The following PDE7B variants were observed in gnomAD, a reference collection of about 807,000 sequenced individuals.
The protein encoded by PDE7B is phosphodiesterase 7B.
A neutral mutation model predicts 56.2 loss-of-function variants in PDE7B; 29 were observed. The ratio of observed to expected loss-of-function variants is 0.52; its 90% CI spans 0.38 to 0.70. The LOEUF is 0.70. Among genes scored for constraint, PDE7B ranks in the 30% least tolerant of loss-of-function variants. The pLI is 0.00. For missense variants in PDE7B, 490 were observed against 565.0 expected (o/e 0.87, Z 1.35); for synonymous variants, 197 against 196.9 (o/e 1.00, Z 0.00).
intron 1 of PDE7B, among the ~76,000 whole-genome samples, chr6:135,880,781 C>G (rs1368290503): frequency 1.3e-5 from 2 of 152,056 alleles, no homozygotes; most frequent in Admixed American, 1.3e-4. Context: ...GAATAATTTC[C>G]ATTTGGGGCT....
At chr6:135,952,306 G>A (rs1335133348) in intron 2 of PDE7B, among the ~76,000 whole-genome samples, 4 of 152,186 alleles carry the variant, frequency 2.6e-5, no homozygotes, top group Middle Eastern at 3.4e-3. Context: ...AAAAGCAATC[G>A]AAAAGCTAAA....
chr6:136,179,698 T>C (rs1332752440), intron 10 of PDE7B, among the ~76,000 whole-genome samples: 1 of 152,204 alleles, frequency 6.6e-6, no homozygotes, highest in African/African-American at 2.4e-5. Context: ...ATATTAACTA[T>C]AGTACATACA....
chr6:136,175,778 C>A (rs1052168486), intron 9 of PDE7B, among the ~76,000 whole-genome samples: 2 of 152,044 alleles, frequency 1.3e-5, no homozygotes, highest in African/African-American at 4.8e-5. Context: ...TCTGTTTTCT[C>A]AGGAAGTATT....
intron 2 of PDE7B, among the ~76,000 whole-genome samples, chr6:136,003,110 A>G (rs1415078723): frequency 6.6e-6 from 1 of 152,244 alleles, no homozygotes; most frequent in Non-Finnish European, 1.5e-5. Context: ...TACTGGGTAC[A>G]TAACGAAATG....
intron 8 of PDE7B, among the ~76,000 whole-genome samples, chr6:136,167,362 A>G (rs1218806707): frequency 6.6e-6 from 1 of 152,094 alleles, no homozygotes; most frequent in African/African-American, 2.4e-5. Context: ...GGGGGGGAAC[A>G]GTGGGAGGTA....
intron 3 of PDE7B, among the ~76,000 whole-genome samples, chr6:136,127,880 A>T (rs1778048899): frequency 6.6e-6 from 1 of 152,188 alleles, no homozygotes; most frequent in Admixed American, 6.5e-5. Flanking sequence ...ATTAATGAAA[A>T]CTTTCCAGGA....
chr6:136,110,416 C>A (rs1777724001), intron 3 of PDE7B, among the ~76,000 whole-genome samples: 1 of 152,168 alleles, frequency 6.6e-6, no homozygotes, highest in Admixed American at 6.5e-5. Context: ...CAAGGGGTTC[C>A]ATTTCACTGT....
chr6:136,151,787 A>AGG (rs1276414653), intron 6 of PDE7B, among the ~76,000 whole-genome samples: 66 of 151,352 alleles, frequency 4.4e-4, no homozygotes, highest in South Asian at 8.4e-4. Context: ...TACAAAAAAA[A>AGG]AATTAGCCAG....
chr6:135,885,882 T>C lies in PDE7B; in HGVS notation c.21+33863T>C, dbSNP rs187006181. Reference sequence around the variant, plus strand: ...GTTTCTCATAACTGTTAAGACAAGATGCTCTGGCGGACTCCTGTTAATTCA... The same window carrying C: ...GTTTCTCATAACTGTTAAGACAAGACGCTCTGGCGGACTCCTGTTAATTCA... On this transcript the variant is annotated intron_variant, in intron 1 of 12. Coordinates refer to ENST00000308191, the MANE Select transcript of PDE7B (RefSeq NM_018945.4). 3.2e-3 allele frequency among the ~76,000 whole-genome samples: 481 copies of C among 151,744 alleles called. 1 individual carries two copies. Among genetic ancestry groups the C allele is most frequent in the Admixed American group, 5.7e-3 (86 of 15,158 alleles).
chr6:136,085,712 C>A (rs1777280414), intron 2 of PDE7B, among the ~76,000 whole-genome samples: 1 of 152,146 alleles, frequency 6.6e-6, no homozygotes, highest in African/African-American at 2.4e-5. Context: ...CTGAAAAGTG[C>A]AAGGAATTTA....
intron 1 of PDE7B, among the ~76,000 whole-genome samples, chr6:135,911,178 C>CAT (rs1776206057): frequency 6.6e-6 from 1 of 152,204 alleles, no homozygotes; most frequent in South Asian, 2.1e-4. Flanking sequence ...GCTGGGAGAG[C>CAT]TCTAATTAAC....
chr6:136,078,591 A>G (rs549159406), intron 2 of PDE7B, among the ~76,000 whole-genome samples: 48 of 152,264 alleles, frequency 3.2e-4, no homozygotes, highest in African/African-American at 1.1e-3. Context: ...TCCTGAAAAA[A>G]AAAAAGGTAT....
intron 3 of PDE7B, among the ~76,000 whole-genome samples, chr6:136,119,146 G>T (rs113877527): frequency 6.6e-6 from 1 of 152,052 alleles, no homozygotes; most frequent in Non-Finnish European, 1.5e-5. Context: ...AGGGGGAGTT[G>T]GTTATTTCCT....
chr6:136,048,109 C>CAGACAGATAGATAGAT (rs747314841), intron 2 of PDE7B, among the ~76,000 whole-genome samples: 3 of 131,976 alleles, frequency 2.3e-5, no homozygotes, highest in Admixed American at 7.8e-5. Flanking sequence ...GACAGACAGA[C>CAGACAGATAGATAGAT]AGATAGATAG....
chr6:135,907,202 T>C (rs1776131725), intron 1 of PDE7B, among the ~76,000 whole-genome samples: 1 of 152,194 alleles, frequency 6.6e-6, no homozygotes, highest in Non-Finnish European at 1.5e-5. Flanking sequence ...ACATGCAGGA[T>C]TTAGGAGTCA....
rs573983149 is a variant in PDE7B at position 136,195,103 on chromosome 6, G to A, written c.*3263G>A. 4 of 152,222 alleles carry A rather than the reference G, an allele frequency of 2.6e-5. No homozygotes were observed. The highest frequency in any genetic ancestry group is 9.6e-5 in the African/African-American group (4 of 41,532). 9.4% of individuals were successfully genotyped at this position (152,222 alleles called of 1,614,324 possible). A position where few individuals can be genotyped will look rare whatever the true frequency, so the allele number is the denominator to read the frequency against. ...AGAGAGAGAATACATATCACTGCCA[G>A]GCCTGATAGGAAAAATCTGCTCTTC... On this transcript the variant is annotated 3_prime_UTR_variant, in exon 13 of 13. Transcript: ENST00000308191.
intron 1 of PDE7B, among the ~76,000 whole-genome samples, chr6:135,920,418 C>T (rs1308771816): frequency 1.3e-5 from 2 of 152,080 alleles, no homozygotes; most frequent in African/African-American, 4.8e-5. Context: ...GAAGTTATTT[C>T]TTTGATCCTA....
intron 2 of PDE7B, among the ~76,000 whole-genome samples, chr6:136,060,536 TATA>T (rs991604263): frequency 1.8e-4 from 28 of 152,292 alleles, no homozygotes; most frequent in African/African-American, 5.1e-4. Context: ...CAATAGTTAT[TATA>T]ATAACTTTCA....
intron 2 of PDE7B, among the ~76,000 whole-genome samples, chr6:136,108,335 G>C (rs1777686029): frequency 6.6e-6 from 1 of 151,984 alleles, no homozygotes; most frequent in African/African-American, 2.4e-5. Flanking sequence ...AATTGTGTTG[G>C]AACAAAGAAA....
Sources: allele counts gnomAD v4.1 joint callset (sites outside exome capture counted in the v4.1 genomes callset), GRCh38; gene constraint gnomAD v4.1.1; transcripts MANE v1.5; gene names NCBI Gene and HGNC (gene_info 2026-07-23, HGNC 2026-07-21).